The following PITRM1 variants were observed in gnomAD, a reference collection of about 807,000 sequenced individuals.
PITRM1 encodes the protein pitrilysin metallopeptidase 1.
A neutral mutation model predicts 129.9 loss-of-function variants in PITRM1; 100 were observed. The observed-to-expected ratio is 0.77, with a 90% CI of 0.65 to 0.91. The LOEUF (loss-of-function observed/expected upper bound fraction) is 0.91. PITRM1 is among the 40% of genes least tolerant of loss of function. The pLI, the probability that PITRM1 is intolerant of heterozygous loss-of-function variation, is 0.00. For missense variants in PITRM1, 1,471 were observed against 1,318.3 expected (o/e 1.12, Z -1.79); for synonymous variants, 591 against 508.8 (o/e 1.16, Z -2.17).
Position 3,155,700 on chromosome 10 carries a change from C to T in PITRM1, c.1512G>A (p.Met504Ile). The T allele has an allele frequency of 6.2e-7, 1 of 1,613,916 alleles. No individual in the cohort carries two copies. The highest frequency in any genetic ancestry group is 8.5e-7 in the Non-Finnish European group (1 of 1,179,886). The change falls in exon 14 of 27, where the codon ATG becomes ATA. Residue 504 changes from methionine (M) to isoleucine (I), a missense_variant. Transcript: ENST00000224949. Reference sequence around the variant, plus strand: ...TCTCGTGATACTTGTCATCTGGCCTCATCGATAAAGTCAGCTTATGCTGGT... The same window carrying T: ...TCTCGTGATACTTGTCATCTGGCCTTATCGATAAAGTCAGCTTATGCTGGT... The part of the protein sequence containing the change: ...KNNQHKLTLS[M>I]RPDDKYHEKQ...
intron 1 of PITRM1, 112 bp from the exon 2 acceptor site, chr10:3,170,318 T>A: frequency 2.7e-6 from 2 of 729,156 alleles, no homozygotes; most frequent in Non-Finnish European, 4.5e-6. Flanking sequence ...AAAGAAAAAT[T>A]AAATATTGCA....
In PITRM1 at chr10:3,151,295, C is replaced by A. The variant is rs754727564; in HGVS notation, c.1690G>T (p.Asp564Tyr). Residue 564 changes from aspartate (D) to tyrosine (Y), a missense_variant, in exon 15 of 27, where the codon GAT (aspartate) becomes TAT (tyrosine). Asp to Tyr is a radical substitution (Grantham distance 160). Transcript: ENST00000224949. ...ASCLPALKVSDIEPTIPVTEL... is the reference protein window; with the variant it reads ...ASCLPALKVSYIEPTIPVTEL... ...GTGACAGGTATGGTGGGTTCAATATCGGAAACTTTCAACGCTGGCAGACAA... is the reference window on the plus strand; with the variant it reads ...GTGACAGGTATGGTGGGTTCAATATAGGAAACTTTCAACGCTGGCAGACAA... The A allele has an allele frequency of 6.2e-7, 1 of 1,610,594 alleles. No individual in the cohort carries two copies. Among genetic ancestry groups the A allele is most frequent in the Non-Finnish European group, 8.5e-7 (1 of 1,178,492 alleles).
chr10:3,167,300 CGAGCGCGA>C (rs923898608), intron 2 of PITRM1, among the ~76,000 whole-genome samples: 9 of 152,060 alleles, frequency 5.9e-5, no homozygotes, highest in African/African-American at 1.9e-4. Context: ...AGCGAGCGAG[CGAGCGCGA>C]GAGCGCACGC....
chr10:3,172,086 A>T, intron 1 of PITRM1: 1 of 413,626 alleles, frequency 2.4e-6, no homozygotes, highest in East Asian at 7.1e-5. Flanking sequence ...CTTATCAAGG[A>T]CATGATAGGA....
Position 3,160,315 on chromosome 10 carries a change from A to G in PITRM1, c.807T>C (p.Gly269=). The G allele has an allele frequency of 6.2e-7, 1 of 1,612,164 alleles. No homozygotes were observed. Among genetic ancestry groups the G allele is most frequent in the South Asian group, 1.1e-5 (1 of 91,042 alleles). The change falls in exon 8 of 27, where the codon GGT becomes GGC. Residue 269 remains glycine, a synonymous_variant. Transcript: ENST00000224949. ...TCAGATGCTGTTCTAATGGAAAATT[A>G]CCGTACGTGAAGAACCTAAAATTTT... ...HPSNARFFTY[G]NFPLEQHLKQ...
chr10:3,147,679 G>A lies in PITRM1; in HGVS notation c.2128C>T (p.Leu710Phe), dbSNP rs777006071. Residue 710 changes from leucine to phenylalanine, a missense_variant, in exon 19 of 27, where the codon CTC becomes TTC. Physicochemically the swap from Leu to Phe is conservative, Grantham distance 22. Coordinates refer to ENST00000224949, the MANE Select transcript of PITRM1 (RefSeq NM_014889.4). ...CCAGAGTCAGGAATTCCATTGGCGA[G>A]CTCCTGGGCGGTCATCTTCACCAGC... is the stretch of plus-strand genomic sequence containing the variant. The part of the protein sequence containing the change: ...KVLVKMTAQE[L>F]ANGIPDSGHL... 25 of 1,613,406 alleles carry A rather than the reference G, an allele frequency of 1.5e-5. No homozygotes were observed. Among genetic ancestry groups the A allele is most frequent in the Non-Finnish European group, 2.0e-5 (24 of 1,179,618 alleles).
In PITRM1 at chr10:3,158,203, A is replaced by G. The variant is rs760044781; in HGVS notation, c.1137-50T>C. ...GCACTGGAATCCGGGCACGTTCATC[A>G]TGCCCTCGTAATATGCTTGATTTAA... On this transcript the variant is annotated intron_variant, in intron 10 of 26. Coordinates refer to ENST00000224949, the MANE Select transcript of PITRM1 (RefSeq NM_014889.4). 17 of 1,003,416 alleles carry G rather than the reference A, an allele frequency of 1.7e-5. No homozygotes were observed. The East Asian group carries it at 4.0e-4, about 24-fold the overall frequency. The allele number at this position is 1,003,416 out of a possible 1,614,324, so 62.2% of individuals were successfully genotyped here. A position where few individuals can be genotyped will look rare whatever the true frequency, so the allele number is the denominator to read the frequency against.
At chr10:3,159,143 G>T (rs927576228) in intron 9 of PITRM1, 101 bp from the exon 10 acceptor site, 4 of 1,057,218 alleles carry the variant, frequency 3.8e-6, no homozygotes, top group African/African-American at 3.2e-5. Flanking sequence ...CATCTTTCTA[G>T]AAATTCTTGC....
chr10:3,170,338 G>T, intron 1 of PITRM1, 132 bp from the exon 2 acceptor site: 1 of 623,698 alleles, frequency 1.6e-6, no homozygotes. Flanking sequence ...ATCTTCCAAA[G>T]TCTTGCACAT....
chr10:3,169,901 G>A (rs974780881), intron 2 of PITRM1, among the ~76,000 whole-genome samples: 9 of 152,336 alleles, frequency 5.9e-5, no homozygotes, highest in East Asian at 1.9e-4. Flanking sequence ...CAGGCTTTGC[G>A]GGATTCCAGG....
At chr10:3,154,775 C>T (rs1163025811) in intron 14 of PITRM1, among the ~76,000 whole-genome samples, 1 of 152,124 alleles carries the variant, frequency 6.6e-6, no homozygotes, top group Non-Finnish European at 1.5e-5. Context: ...GGCCAAACTA[C>T]CTTTGAGAAT....
chr10:3,148,690 T>G (rs992186163), intron 16 of PITRM1: 1 of 166,198 alleles, frequency 6.0e-6, no homozygotes, highest in African/African-American at 2.4e-5. Flanking sequence ...GAATGTCTGG[T>G]AGCCTGGGCG....
chr10:3,154,499 T>C (rs913370693), intron 14 of PITRM1, among the ~76,000 whole-genome samples: 7 of 152,232 alleles, frequency 4.6e-5, no homozygotes, highest in Non-Finnish European at 1.0e-4. Context: ...GTCATTCTAG[T>C]AGGTGTATAA....
intron 14 of PITRM1, among the ~76,000 whole-genome samples, chr10:3,154,707 G>A (rs1001471031): frequency 8.6e-5 from 13 of 151,936 alleles, no homozygotes; most frequent in Non-Finnish European, 1.5e-4. Flanking sequence ...TTCGTTTTTC[G>A]TATATTCTGA....
intron 2 of PITRM1, among the ~76,000 whole-genome samples, chr10:3,167,588 G>C (rs1295181051): frequency 6.6e-6 from 1 of 152,128 alleles, no homozygotes; most frequent in Non-Finnish European, 1.5e-5. Context: ...AGTGTCTCCT[G>C]CTTTTGTGTG....
chr10:3,138,856 C>CAT, intron 25 of PITRM1, 48 bp downstream of exon 25: 2 of 1,594,264 alleles, frequency 1.3e-6, no homozygotes, highest in Non-Finnish European at 1.7e-6. Context: ...ACAGCAACGT[C>CAT]ATCTGTGAGG....
At chr10:3,164,593 C>T (rs997557167) in intron 6 of PITRM1, among the ~76,000 whole-genome samples, 15 of 152,282 alleles carry the variant, frequency 9.9e-5, no homozygotes, top group African/African-American at 2.2e-4. Flanking sequence ...GGCATAAATG[C>T]GTTTTAATGA....
At chr10:3,141,705 C>T (rs896697848) in intron 23 of PITRM1, 2 of 468,410 alleles carry the variant, frequency 4.3e-6, no homozygotes, top group Admixed American at 4.8e-5. Context: ...TGAGATCAGC[C>T]CCAGGTCGCC....
intron 1 of PITRM1, among the ~76,000 whole-genome samples, chr10:3,171,557 C>T (rs1843360141): frequency 6.6e-6 from 1 of 152,168 alleles, no homozygotes; most frequent in African/African-American, 2.4e-5. Flanking sequence ...AATTCTGTCT[C>T]AGCCTCCTGA....
Sources: allele counts gnomAD v4.1 joint callset (sites outside exome capture counted in the v4.1 genomes callset), GRCh38; gene constraint gnomAD v4.1.1; transcripts MANE v1.5; gene names NCBI Gene and HGNC (gene_info 2026-07-23, HGNC 2026-07-21).